Variants in RIPOR2 observed in about 807,000 individuals in gnomAD.
RIPOR2 encodes the protein rho family-interacting cell polarization regulator 2.
RIPOR2 carries 39 observed loss-of-function variants against 114.5 expected under a neutral mutation model. That is an observed-to-expected ratio of 0.34 (90% CI 0.26 to 0.44). The LOEUF is 0.44. Among genes scored for constraint, RIPOR2 ranks in the 20% least tolerant of loss-of-function variants. RIPOR2 has a pLI of 1.00. For missense variants in RIPOR2, 1,007 were observed against 1,255.1 expected (o/e 0.80, Z 2.99); for synonymous variants, 445 against 484.4 (o/e 0.92, Z 1.07).
Position 25,024,263 on chromosome 6 carries a change from G to A in RIPOR2, c.76+17588C>T, listed in dbSNP as rs987773425. 7.1e-6 allele frequency: 11 copies of A among 1,543,114 alleles called. No homozygotes were observed. The Admixed American group carries it at 1.8e-4, about 26-fold the overall frequency. ...GTGTGCTGGACTGGATGGCCGGCCA[G>A]ATGAACTCTTCCACAAACTCCCTGA... On this transcript the variant is annotated intron_variant, in intron 1 of 13. Transcript: ENST00000510784.
At chr6:25,022,575 G>GTTTTTT (rs1776386079) in intron 1 of RIPOR2, among the ~76,000 whole-genome samples, 2 of 29,238 alleles carry the variant, frequency 6.8e-5, no homozygotes, top group African/African-American at 9.1e-5. Flanking sequence ...TTTTAGACAG[G>GTTTTTT]TTCTTGTTCT....
At chr6:24,831,305 C>A (rs1039737178) in intron 16 of RIPOR2, among the ~76,000 whole-genome samples, 1 of 152,182 alleles carries the variant, frequency 6.6e-6, no homozygotes, top group Non-Finnish European at 1.5e-5. Context: ...TTTCCTATAA[C>A]TCCACAGCAG....
At chr6:24,851,444 G>C (rs537136460) in intron 9 of RIPOR2, among the ~76,000 whole-genome samples, 2 of 152,272 alleles carry the variant, frequency 1.3e-5, no homozygotes, top group South Asian at 4.1e-4. Context: ...TAGAGAGATG[G>C]AGCTGGCAAG....
chr6:24,841,682 A>G (rs1761736685), intron 13 of RIPOR2, among the ~76,000 whole-genome samples: 1 of 148,258 alleles, frequency 6.7e-6, no homozygotes, highest in Non-Finnish European at 1.5e-5. Flanking sequence ...CAGTGACGTG[A>G]TCTCGGCTCA....
At chr6:24,946,425 T>C (rs1251911753) in intron 1 of RIPOR2, among the ~76,000 whole-genome samples, 1 of 151,924 alleles carries the variant, frequency 6.6e-6, no homozygotes, top group Non-Finnish European at 1.5e-5. Flanking sequence ...TTACATACCT[T>C]CACGCATTGG....
intron 1 of RIPOR2, among the ~76,000 whole-genome samples, chr6:24,926,923 A>G (rs1489480227): frequency 6.6e-6 from 1 of 150,918 alleles, no homozygotes; most frequent in Non-Finnish European, 1.5e-5. Flanking sequence ...CACCATCATC[A>G]TCACCACCAC....
chr6:25,014,870 G>GGATC (rs1775902706), intron 1 of RIPOR2: 2 of 152,134 alleles, frequency 1.3e-5, no homozygotes, highest in Non-Finnish European at 2.9e-5. Flanking sequence ...AGGGCCCGAG[G>GGATC]GATCATTCAG....
At chr6:24,845,119 G>A (rs1407450594) in intron 12 of RIPOR2, among the ~76,000 whole-genome samples, 1 of 151,934 alleles carries the variant, frequency 6.6e-6, no homozygotes, top group Non-Finnish European at 1.5e-5. Flanking sequence ...TGTGTCACTG[G>A]ACACTTGAGT....
chr6:25,023,839 T>C (rs1016036782), intron 1 of RIPOR2: 6 of 736,952 alleles, frequency 8.1e-6, no homozygotes, highest in Non-Finnish European at 1.3e-5. Context: ...GTCAGGGGTG[T>C]TGGGGGCTTT....
chr6:25,031,830 A>G (rs994947082), intron 1 of RIPOR2, among the ~76,000 whole-genome samples: 3 of 144,274 alleles, frequency 2.1e-5, no homozygotes, highest in African/African-American at 7.5e-5. Context: ...TATATTATAT[A>G]TAATACAAAA....
intron 1 of RIPOR2, among the ~76,000 whole-genome samples, chr6:24,949,840 C>CAG (rs1478183631): frequency 6.6e-6 from 1 of 152,082 alleles, no homozygotes; most frequent in East Asian, 1.9e-4. Context: ...CTGGAAGGGG[C>CAG]AGCCCCTGGA....
chr6:24,871,418 C>T (rs923169353), intron 4 of RIPOR2, among the ~76,000 whole-genome samples: 1 of 152,246 alleles, frequency 6.6e-6, no homozygotes, highest in African/African-American at 2.4e-5. Flanking sequence ...GTGGCACGAT[C>T]TCGGCTCACC....
chr6:24,921,420 T>A (rs781162708), intron 1 of RIPOR2, among the ~76,000 whole-genome samples: 1 of 152,136 alleles, frequency 6.6e-6, no homozygotes, highest in Non-Finnish European at 1.5e-5. Flanking sequence ...AACCTTGGTC[T>A]TCCAAAGTGC....
At chr6:24,841,368 T>C (rs979523904) in intron 13 of RIPOR2, among the ~76,000 whole-genome samples, 6 of 152,000 alleles carry the variant, frequency 3.9e-5, no homozygotes, top group Non-Finnish European at 7.4e-5. Flanking sequence ...GGTTTTGAAC[T>C]GATATTTTAC....
intron 1 of RIPOR2, among the ~76,000 whole-genome samples, chr6:25,007,911 C>T (rs1391632494): frequency 1.3e-5 from 2 of 152,058 alleles, no homozygotes; most frequent in Non-Finnish European, 2.9e-5. Context: ...AGTTTGCCCC[C>T]GACCTCTATT....
At chr6:24,962,061 A>C (rs413194) in intron 1 of RIPOR2, among the ~76,000 whole-genome samples, 121,089 of 152,208 alleles carry the variant, frequency 0.8, 51,740 homozygotes, top group East Asian at 0.96. Context: ...GCAGCAGCCA[A>C]ATGCATACTC....
Position 24,873,105 on chromosome 6 carries a change from T to G in RIPOR2, c.345-146A>C, listed in dbSNP as rs897115059. The G allele has an allele frequency of 4.9e-6, 3 of 608,148 alleles. No homozygotes were observed. The African/African-American group carries it at 5.5e-5, about 11-fold the overall frequency. 37.7% of individuals were successfully genotyped at this position (608,148 alleles called of 1,614,324 possible). On this transcript the variant is annotated intron_variant, in intron 3 of 21. Transcript: ENST00000643898. ...AGGAGGCTTTGTATTTTCCCAGTCT[T>G]TCAACATTTTGAAAGGTCTAGCAGT... is the stretch of plus-strand genomic sequence containing the variant.
intron 1 of RIPOR2, among the ~76,000 whole-genome samples, chr6:24,952,589 GATA>G (rs1408759225): frequency 6.6e-6 from 1 of 152,186 alleles, no homozygotes; most frequent in Non-Finnish European, 1.5e-5. Flanking sequence ...CCAGTGCACA[GATA>G]ATAATAAAAG....
At chr6:24,843,786 G>T (rs1298602741) in intron 12 of RIPOR2, among the ~76,000 whole-genome samples, 2 of 147,600 alleles carry the variant, frequency 1.4e-5, no homozygotes, top group African/African-American at 5.0e-5. Flanking sequence ...TGTTTCTATT[G>T]TTGAATCTAG....
Sources: gnomAD v4.1 joint callset for allele counts (sites outside exome capture counted in the v4.1 genomes callset) on GRCh38, gnomAD v4.1.1 for gene constraint, MANE v1.5 for transcripts, NCBI Gene and HGNC (gene_info 2026-07-23, HGNC 2026-07-21) for gene names.